The following MBTD1 variants were observed in gnomAD, a reference collection of about 807,000 sequenced individuals.
MBTD1 encodes the protein mbt domain containing 1, also known as MBT domain-containing protein 1.
In MBTD1, 24 loss-of-function variants were observed where a neutral mutation model predicts 87.8. The observed-to-expected ratio is 0.27, with a 90% confidence interval of 0.20 to 0.38. The LOEUF (loss-of-function observed/expected upper bound fraction) is 0.38, where lower values mean the gene tolerates loss of function less well. MBTD1 is among the 10% of genes least tolerant of loss of function. The probability of loss-of-function intolerance (pLI) is 1.00; values close to 1 mark genes in which losing one functional copy is unlikely to be tolerated. For synonymous variants in MBTD1, 237 were observed against 248.6 expected, an observed-to-expected ratio of 0.95 and a Z score of 0.44; for missense variants, 436 against 760.2, an observed-to-expected ratio of 0.57 and a Z score of 5.02.
rs77128952 is a variant in MBTD1, at chr17:51,249,241, C to CA, written c.-49+9901dup. On this transcript the variant is annotated intron_variant, in intron 2 of 16. Transcript: ENST00000586178. The stretch of plus-strand genomic sequence containing the variant: ...TGCCACTGTACTGCAGCCTGGGAGA[C>CA]AGAGTTGGGGGTGGGGGGAAGCAGT... Among the ~76,000 whole-genome samples, 2,400 of 151,912 alleles carry CA rather than the reference C, an allele frequency of 0.016. 109 individuals carry two copies. The East Asian group carries it at 0.18, about 12-fold the overall frequency.
rs201203928 is a variant in MBTD1, at chr17:51,203,267, A to C, written c.740-39T>G. On this transcript the variant is annotated intron_variant, in intron 8 of 16. Coordinates refer to ENST00000586178, the MANE Select transcript of MBTD1 (RefSeq NM_017643.3). ...AATAATCAGTTATACTTTAGCAAAA[A>C]AGAACTGCTTCATAAATTATTTGTT... The C allele has an allele frequency of 6.8e-5, 67 of 986,478 alleles. No homozygotes were observed. The African/African-American group carries it at 9.8e-4, about 14-fold the overall frequency. The allele number at this position is 986,478 out of a possible 1,614,324, so 61.1% of individuals were successfully genotyped here. A position where few individuals can be genotyped will look rare whatever the true frequency, so the allele number is the denominator to read the frequency against.
At chr17:51,217,551 C>A in intron 5 of MBTD1, 135 bp from the exon 6 acceptor site, 2 of 523,342 alleles carry the variant, frequency 3.8e-6, no homozygotes, top group South Asian at 2.9e-5. Flanking sequence ...ATGTAAAGAT[C>A]AAATAACTTC....
In MBTD1 at chr17:51,254,873, T is replaced by C. The variant is rs528790148; in HGVS notation, c.-49+4270A>G. Among the ~76,000 whole-genome samples the C allele has an allele frequency of 2.6e-5, 4 of 152,336 alleles. No homozygotes were observed. The South Asian group carries it at 8.3e-4, about 32-fold the overall frequency. On this transcript the variant is annotated intron_variant, in intron 2 of 16. Transcript: ENST00000586178. ...CTGAAACATGCAGTGGCCTAGAGATTCCCTGAGATCATTATCAGCTATCAA... is the reference window on the plus strand; with the variant it reads ...CTGAAACATGCAGTGGCCTAGAGATCCCCTGAGATCATTATCAGCTATCAA...
chr17:51,199,172 C>G (rs1286291863), intron 12 of MBTD1, among the ~76,000 whole-genome samples: 3 of 152,110 alleles, frequency 2.0e-5, no homozygotes, highest in Admixed American at 2.0e-4. Flanking sequence ...AATCTCAGCT[C>G]ACTGCAACCT....
chr17:51,235,134 T>C (rs530830136), intron 2 of MBTD1, among the ~76,000 whole-genome samples: 231 of 131,092 alleles, frequency 1.8e-3, no homozygotes, highest in African/African-American at 5.6e-3. Flanking sequence ...GAATATAGGA[T>C]GCAATTTTTT....
At chr17:51,260,130 C>T (rs920058564), upstream of MBTD1, 1 of 368,390 alleles carries the variant, frequency 2.7e-6, no homozygotes, top group Non-Finnish European at 4.8e-6. Context: ...CCTCCTCTCT[C>T]GCTTCCACCG....
chr17:51,220,439 A>G lies in MBTD1; in HGVS notation c.179T>C (p.Val60Ala). The change falls in exon 4 of 17, where the codon GTT (valine) becomes GCT (alanine). Residue 60 changes from valine to alanine, a missense_variant. Val to Ala is a moderately conservative substitution (Grantham distance 64). Around this residue, in one of 5 missense-constraint regions of MBTD1, gnomAD observed 18 missense variants for 107.8 expected, o/e 0.17. Coordinates refer to ENST00000586178, the MANE Select transcript of MBTD1 (RefSeq NM_017643.3). ...GMATCEMCGM[V>A]GVRDAFYSKT... ...AGAGTAAAAAGCATCTCGGACGCCA[A>G]CCATCCCACACATCTCACAGGTAGC... is the stretch of plus-strand genomic sequence containing the variant. 1 of 1,547,822 alleles carries G rather than the reference A, an allele frequency of 6.5e-7. No individual in the cohort carries two copies.
At chr17:51,248,390 C>T (rs1286719220) in intron 2 of MBTD1, among the ~76,000 whole-genome samples, 1 of 152,104 alleles carries the variant, frequency 6.6e-6, no homozygotes, top group African/African-American at 2.4e-5. Context: ...TTATGTAGTA[C>T]TTTTCTTATC....
Position 51,179,486 on chromosome 17 carries a change from A to ATATATATATATATATATATTTT in MBTD1, c.*1089_*1090insAAAATATATATATATATATATA, listed in dbSNP as rs1568135477. 3.3e-4 allele frequency: 5 copies of ATATATATATATATATATATTTT among 15,016 alleles called. No homozygotes were observed. Among genetic ancestry groups the ATATATATATATATATATATTTT allele is most frequent in the Non-Finnish European group, 6.8e-4 (5 of 7,318 alleles). The allele number at this position is 15,016 out of a possible 1,614,324, so 0.9% of individuals were successfully genotyped here. A position where few individuals can be genotyped will look rare whatever the true frequency, so the allele number is the denominator to read the frequency against. The stretch of plus-strand genomic sequence containing the variant: ...CCTGAATACAATTAAAGACAATTTT[A>ATATATATATATATATATATTTT]TATATATATATATATATATATATAT... On this transcript the variant is annotated 3_prime_UTR_variant, in exon 17 of 17. Coordinates refer to ENST00000586178, the MANE Select transcript of MBTD1 (RefSeq NM_017643.3).
chr17:51,194,989 C>T (rs1293824984), intron 13 of MBTD1, among the ~76,000 whole-genome samples: 1 of 152,130 alleles, frequency 6.6e-6, no homozygotes, highest in African/African-American at 2.4e-5. Context: ...TTATAAAATA[C>T]ACAGATGCTC....
chr17:51,199,591 G>A (rs142114089), intron 12 of MBTD1, among the ~76,000 whole-genome samples: 2,854 of 150,954 alleles, frequency 0.019, 66 homozygotes, highest in African/African-American at 0.047. Flanking sequence ...ACAGGCACCC[G>A]CCACCACGCC....
At position 51,219,173 on chromosome 17, in the gene MBTD1, A is replaced by G; in HGVS notation, c.289-129T>C. 5.2e-6 allele frequency: 3 copies of G among 576,132 alleles called. No homozygotes were observed. In the South Asian group the frequency reaches 6.9e-5, roughly 13 times the overall value. 35.7% of individuals were successfully genotyped at this position (576,132 alleles called of 1,614,324 possible). A position where few individuals can be genotyped will look rare whatever the true frequency, so the allele number is the denominator to read the frequency against. ...GTTTAGAAAATTATTAAAGCAGAGG[A>G]AACATACAAGAATTTTAACATGAGA... On this transcript the variant is annotated intron_variant, in intron 4 of 16. Transcript: ENST00000586178.
In MBTD1 at chr17:51,259,959, G is replaced by T. The variant is rs778821115; in HGVS notation, c.-237C>A. 2.5e-5 allele frequency: 28 copies of T among 1,116,996 alleles called. No individual in the cohort carries two copies. The highest frequency in any genetic ancestry group is 2.9e-5 in the Non-Finnish European group (26 of 883,132). The allele number at this position is 1,116,996 out of a possible 1,614,324, so 69.2% of individuals were successfully genotyped here. ...CCCCGGGACTGCGGCGACTACAGGG[G>T]GCCCCCGGCTGGGCCCAGACCGGTG... On this transcript the variant is annotated 5_prime_UTR_variant, in exon 1 of 17. Transcript: ENST00000586178.
chr17:51,260,783 G>A (rs550285561), upstream of MBTD1: 44 of 1,579,016 alleles, frequency 2.8e-5, no homozygotes, highest in South Asian at 4.1e-4. Flanking sequence ...CGCGGCGGCG[G>A]AGGAAGAGAG....
intron 15 of MBTD1, 173 bp downstream of exon 15, chr17:51,192,609 G>C (rs2050866768): frequency 8.6e-7 from 1 of 1,166,824 alleles, no homozygotes; most frequent in Non-Finnish European, 1.2e-6. Flanking sequence ...ATTGCCATGG[G>C]ACACATGGTC....
chr17:51,185,630 A>G (rs2050501509), intron 16 of MBTD1: 4 of 152,252 alleles, frequency 2.6e-5, no homozygotes. Flanking sequence ...ATACTATGAA[A>G]TGTTATGAAC....
At chr17:51,200,348 GC>G (rs1420303910) in intron 12 of MBTD1, among the ~76,000 whole-genome samples, 1 of 151,810 alleles carries the variant, frequency 6.6e-6, no homozygotes, top group Non-Finnish European at 1.5e-5. Flanking sequence ...AATTGCTTGA[GC>G]TCAGGAGTTC....
upstream of MBTD1, chr17:51,260,938 C>T (rs1598469243): frequency 1.3e-6 from 2 of 1,527,932 alleles, no homozygotes; most frequent in East Asian, 2.7e-5. Context: ...TGAGGGAGGC[C>T]GCGGCGCGCG....
intron 6 of MBTD1, among the ~76,000 whole-genome samples, chr17:51,213,392 T>A (rs1484827800): frequency 6.6e-6 from 1 of 152,222 alleles, no homozygotes; most frequent in Non-Finnish European, 1.5e-5. Flanking sequence ...TCTGCTGGGT[T>A]AAAGTTAAAT....
Sources: allele counts gnomAD v4.1 joint callset (sites outside exome capture counted in the v4.1 genomes callset), GRCh38; gene constraint gnomAD v4.1.1; regional missense constraint gnomAD v4.1.1; transcripts MANE v1.5; gene names NCBI Gene and HGNC (gene_info 2026-07-23, HGNC 2026-07-21).